Variants in CTNNA2 observed in about 807,000 individuals in gnomAD.
CTNNA2 encodes catenin alpha-2.
Under a neutral mutation model 101.0 loss-of-function variants are expected in CTNNA2, and 42 were observed. That is an observed-to-expected ratio of 0.42 (90% CI 0.32 to 0.54). The LOEUF (loss-of-function observed/expected upper bound fraction) is 0.54, where lower values mean the gene tolerates loss of function less well. Among genes scored for constraint, CTNNA2 ranks in the 20% least tolerant of loss-of-function variants. The pLI is 0.14. For synonymous variants in CTNNA2, 450 were observed against 456.4 expected (o/e 0.99, Z 0.18); for missense variants, 871 against 1,223.1 (o/e 0.71, Z 4.29).
At chr2:80,245,878 TC>T (rs200602674) in intron 7 of CTNNA2, among the ~76,000 whole-genome samples, 7,291 of 133,760 alleles carry the variant, frequency 0.055, 360 homozygotes, top group South Asian at 0.29. Context: ...CACTGCAAGC[TC>T]TGCCTTCCGG....
chr2:80,019,135 A>G (rs1694366447), intron 7 of CTNNA2, among the ~76,000 whole-genome samples: 2 of 152,222 alleles, frequency 1.3e-5, no homozygotes, highest in African/African-American at 2.4e-5. Context: ...TGTAGGTTAT[A>G]TGAAAAGACT....
chr2:80,418,133 G>T (rs1404042345), intron 8 of CTNNA2, among the ~76,000 whole-genome samples: 1 of 152,088 alleles, frequency 6.6e-6, no homozygotes, highest in Non-Finnish European at 1.5e-5. Context: ...GCCACGGCAG[G>T]TCAATTTCAA....
At chr2:79,989,516 A>G (rs1692020425) in intron 7 of CTNNA2, among the ~76,000 whole-genome samples, 1 of 152,160 alleles carries the variant, frequency 6.6e-6, no homozygotes, top group African/African-American at 2.4e-5. Flanking sequence ...GCACCTGTGT[A>G]GTCCCAGTTA....
intron 2 of CTNNA2, among the ~76,000 whole-genome samples, chr2:79,685,163 T>C (rs977814206): frequency 2.0e-5 from 3 of 152,224 alleles, no homozygotes; most frequent in Non-Finnish European, 2.9e-5. Flanking sequence ...TAATTTCTTA[T>C]GCCAGCATAT....
At chr2:79,413,191 G>A (rs905271021) in intron 4 of CTNNA2, among the ~76,000 whole-genome samples, 1 of 151,796 alleles carries the variant, frequency 6.6e-6, no homozygotes, top group Non-Finnish European at 1.5e-5. Flanking sequence ...GGGAGGGGGT[G>A]GTTCTGGGAA....
intron 2 of CTNNA2, among the ~76,000 whole-genome samples, chr2:79,251,572 T>A (rs935833768): frequency 6.6e-6 from 1 of 152,116 alleles, no homozygotes; most frequent in East Asian, 1.9e-4. Flanking sequence ...CCTCTTTTGC[T>A]TTCTCTCTCA....
intron 1 of CTNNA2, among the ~76,000 whole-genome samples, chr2:79,603,953 AGC>A (rs901520325): frequency 1.3e-5 from 2 of 152,098 alleles, no homozygotes; most frequent in African/African-American, 4.8e-5. Flanking sequence ...AGCCTGAGAG[AGC>A]GAGTCCACCA....
chr2:80,306,632 G>A (rs909035581), intron 7 of CTNNA2, among the ~76,000 whole-genome samples: 2 of 151,680 alleles, frequency 1.3e-5, no homozygotes, highest in Non-Finnish European at 2.9e-5. Context: ...TTCACCTCTT[G>A]CCAAGACAAT....
intron 3 of CTNNA2, among the ~76,000 whole-genome samples, chr2:79,827,298 A>T (rs953277992): frequency 6.6e-6 from 1 of 152,148 alleles, no homozygotes; most frequent in Admixed American, 6.6e-5. Flanking sequence ...TCAGCCTCCC[A>T]AAGTGCTGGG....
At position 79,552,423 on chromosome 2, in the gene CTNNA2, G is replaced by A. The variant is rs568666825; in HGVS notation, c.-6+39216G>A. 3.3e-5 allele frequency among the ~76,000 whole-genome samples: 5 copies of A among 152,276 alleles called. No individual in the cohort carries two copies. In the East Asian group the frequency reaches 7.8e-4, roughly 24 times the overall value. Reference sequence around the variant, plus strand: ...CAGCTATTCCAGGCACATGGTGCAAGCTGTCAGTAAATCTACAATTCTGGA... The same window carrying A: ...CAGCTATTCCAGGCACATGGTGCAAACTGTCAGTAAATCTACAATTCTGGA... On this transcript the variant is annotated intron_variant, in intron 1 of 18. Transcript: ENST00000402739.
intron 2 of CTNNA2, among the ~76,000 whole-genome samples, chr2:79,294,328 T>C (rs1301578634): frequency 1.3e-5 from 2 of 152,082 alleles, no homozygotes; most frequent in Non-Finnish European, 2.9e-5. Flanking sequence ...CTCTGGTATC[T>C]ATTCTTATGA....
At chr2:79,570,382 G>T (rs1197316719) in intron 1 of CTNNA2, among the ~76,000 whole-genome samples, 1 of 152,056 alleles carries the variant, frequency 6.6e-6, no homozygotes, top group Non-Finnish European at 1.5e-5. Flanking sequence ...ACATTTCTGG[G>T]ATATATGATG....
chr2:79,302,900 A>T (rs1255999474), intron 2 of CTNNA2, among the ~76,000 whole-genome samples: 1 of 152,204 alleles, frequency 6.6e-6, no homozygotes, highest in Non-Finnish European at 1.5e-5. Context: ...AACCACACAG[A>T]ATATAGGTAT....
chr2:79,488,657 T>C lies in CTNNA2; in HGVS notation c.-134-16397T>C, dbSNP rs1671180875. On this transcript the variant is annotated intron_variant, in intron 4 of 21. Coordinates refer to the CTNNA2 transcript ENST00000466387. ...CTTCAGAACCTTCTGGATTATAGTA[T>C]AACTTTTGTATTACTACTTAAAATC... 2.6e-5 allele frequency among the ~76,000 whole-genome samples: 4 copies of C among 152,202 alleles called. No individual in the cohort carries two copies. In the South Asian group the frequency reaches 8.3e-4, roughly 31 times the overall value.
chr2:80,073,927 C>A (rs746247988), intron 7 of CTNNA2, among the ~76,000 whole-genome samples: 25 of 152,096 alleles, frequency 1.6e-4, no homozygotes, highest in Non-Finnish European at 3.4e-4. Flanking sequence ...AACTAATCCT[C>A]TATTTCTGAT....
At chr2:79,891,512 G>A (rs1315788016) in intron 6 of CTNNA2, among the ~76,000 whole-genome samples, 1 of 152,120 alleles carries the variant, frequency 6.6e-6, no homozygotes, top group Non-Finnish European at 1.5e-5. Flanking sequence ...TCACAGATTT[G>A]AAGAAGATGA....
At chr2:79,696,054 G>A (rs1684634135) in intron 2 of CTNNA2, among the ~76,000 whole-genome samples, 1 of 151,908 alleles carries the variant, frequency 6.6e-6, no homozygotes, top group South Asian at 2.1e-4. Flanking sequence ...GGGACTTAGA[G>A]CCAAAAGACT....
intron 3 of CTNNA2, among the ~76,000 whole-genome samples, chr2:79,794,397 GTATT>G (rs201002628): frequency 0.027 from 4,043 of 152,114 alleles, 83 homozygotes; most frequent in Middle Eastern, 0.11. Flanking sequence ...CTCAAAGTGA[GTATT>G]TATTTATTCA....
At chr2:79,274,042 TTC>T (rs1344096243) in intron 2 of CTNNA2, among the ~76,000 whole-genome samples, 1 of 152,140 alleles carries the variant, frequency 6.6e-6, no homozygotes, top group Admixed American at 6.6e-5. Flanking sequence ...TATTTTCATC[TTC>T]TCTCTATGTT....
Sources: allele counts gnomAD v4.1 joint callset (sites outside exome capture counted in the v4.1 genomes callset), GRCh38; gene constraint gnomAD v4.1.1; transcripts MANE v1.5; gene names NCBI Gene and HGNC (gene_info 2026-07-23, HGNC 2026-07-21).